FAT1: variants seen among roughly 807,000 people sequenced by gnomAD.
The protein encoded by FAT1 is protocadherin Fat 1.
FAT1 carries 171 observed loss-of-function variants against 329.8 expected under a neutral mutation model. That is an observed-to-expected ratio of 0.52 (90% CI 0.46 to 0.59). The LOEUF (loss-of-function observed/expected upper bound fraction) is 0.59. Among genes scored for constraint, FAT1 ranks in the 20% least tolerant of loss-of-function variants. The probability of loss-of-function intolerance (pLI) is 0.00; values close to 1 mark genes in which losing one functional copy is unlikely to be tolerated. For synonymous variants in FAT1, 2,233 were observed against 2,228.6 expected (o/e 1.00, Z -0.06); for missense variants, 5,672 against 5,774.4 (o/e 0.98, Z 0.57).
intron 9 of FAT1, among the ~76,000 whole-genome samples, chr4:186,627,934 T>C (rs979299050): frequency 2.6e-5 from 4 of 151,930 alleles, no homozygotes; most frequent in African/African-American, 9.7e-5. Flanking sequence ...GGGCTAATAT[T>C]GTGAATCCCC....
intron 8 of FAT1, 29 bp from the exon 9 acceptor site, chr4:186,628,393 C>T (rs2126543590): frequency 6.2e-7 from 1 of 1,610,078 alleles, no homozygotes; most frequent in South Asian, 1.1e-5. Flanking sequence ...TTATCAATCC[C>T]ATTGGTGCTT....
chr4:186,628,543 T>C lies in FAT1; in HGVS notation c.4544A>G (p.Tyr1515Cys), dbSNP rs748223112. 3.1e-6 allele frequency: 5 copies of C among 1,613,884 alleles called. No individual in the cohort carries two copies. The South Asian group carries it at 4.4e-5, about 14-fold the overall frequency. The change falls in exon 8 of 27, where the codon TAT becomes TGT. Residue 1515 changes from tyrosine (Y) to cysteine (C), a missense_variant. Tyr to Cys is a radical substitution (Grantham distance 194). This residue lies in a region of FAT1 where 3,966 missense variants were observed against 3,915.2 expected (regional missense o/e 1.01). Transcript: ENST00000441802. ...FRLDPATGSL[Y>C]TSEKLDHEAV... Reference sequence around the variant, plus strand: ...TTCATGATCCAGTTTCTCAGAAGTATAGAGAGAGCCGGTTGCAGGATCAAG... The same window carrying C: ...TTCATGATCCAGTTTCTCAGAAGTACAGAGAGAGCCGGTTGCAGGATCAAG...
chr4:186,669,342 G>A (rs182948077), intron 2 of FAT1, among the ~76,000 whole-genome samples: 15 of 152,328 alleles, frequency 9.8e-5, no homozygotes, highest in African/African-American at 3.4e-4. Context: ...CCGTGCACAC[G>A]CAGTGAGAGC....
chr4:186,593,295 A>G (rs909599326), intron 26 of FAT1, among the ~76,000 whole-genome samples: 1 of 152,188 alleles, frequency 6.6e-6, no homozygotes, highest in Non-Finnish European at 1.5e-5. Context: ...GAGCTAATGT[A>G]CGAGTATAGG....
Position 186,654,024 on chromosome 4 carries a change from T to C in FAT1, c.3580+9275A>G, listed in dbSNP as rs75820641. 4.5e-3 allele frequency among the ~76,000 whole-genome samples: 679 copies of C among 151,522 alleles called. 3 individuals are homozygous for C. Among genetic ancestry groups the C allele is most frequent in the African/African-American group, 0.015 (619 of 41,276 alleles). The stretch of plus-strand genomic sequence containing the variant: ...AAACAGAGTCCCTCAATGCAAAGAG[T>C]AGATAAGAGACAGAAAAACTGGCTC... On this transcript the variant is annotated intron_variant, in intron 3 of 26. Coordinates refer to ENST00000441802, the MANE Select transcript of FAT1 (RefSeq NM_005245.4).
chr4:186,692,814 T>C (rs1453002356), intron 2 of FAT1, among the ~76,000 whole-genome samples: 2 of 152,170 alleles, frequency 1.3e-5, no homozygotes, highest in African/African-American at 4.8e-5. Flanking sequence ...ACAAATTAAT[T>C]AGCAGGAAGT....
rs2126683133 is a variant in FAT1 at position 186,706,787 on chromosome 4, G to T, written c.3041C>A (p.Ser1014Tyr). Residue 1014 changes from serine (S) to tyrosine (Y), a missense_variant, in exon 2 of 27, where the codon TCT becomes TAT. Ser to Tyr is a moderately radical substitution (Grantham distance 144). Around this residue, in one of 2 missense-constraint regions of FAT1, gnomAD observed 3,966 missense variants for 3,915.2 expected, o/e 1.01. Coordinates refer to ENST00000441802, the MANE Select transcript of FAT1 (RefSeq NM_005245.4). ...CACCTCAACTTCAACATAGCAAGTA[G>T]AAGACAGAGAAACTGGCTTTCCCTT... ...KDKGKPVSLSSTCYVEVEVVD... is the reference protein window; with the variant it reads ...KDKGKPVSLSYTCYVEVEVVD... The T allele has an allele frequency of 6.2e-7, 1 of 1,614,012 alleles. No individual in the cohort carries two copies. Among genetic ancestry groups the T allele is most frequent in the Non-Finnish European group, 8.5e-7 (1 of 1,179,896 alleles).
intron 11 of FAT1, among the ~76,000 whole-genome samples, chr4:186,615,619 T>C (rs1292470612): frequency 6.6e-6 from 1 of 152,118 alleles, no homozygotes; most frequent in East Asian, 1.9e-4. Context: ...GGGACCCAAA[T>C]GGTCTGTTTC....
chr4:186,618,411 G>A lies in FAT1; in HGVS notation c.8175C>T (p.Ile2725=). 1 of 1,614,030 alleles carries A rather than the reference G, an allele frequency of 6.2e-7. No individual in the cohort carries two copies. The highest frequency in any genetic ancestry group is 8.5e-7 in the Non-Finnish European group (1 of 1,179,906). Residue 2725 remains isoleucine, a synonymous_variant, in exon 10 of 27, where the codon ATC becomes ATT. Transcript: ENST00000441802. ...GAACAGTCCCACTATGTTCTGCTCG[G>A]ATGAGATCTATCTCTGTTCCAATAG... is the stretch of plus-strand genomic sequence containing the variant. The part of the protein sequence containing the change: ...DVPIGTEIDL[I]RAEHSGTVLY...
At chr4:186,670,417 A>C (rs187533422) in intron 2 of FAT1, among the ~76,000 whole-genome samples, 50 of 152,310 alleles carry the variant, frequency 3.3e-4, no homozygotes, top group African/African-American at 1.1e-3. Flanking sequence ...TCTCCAATTC[A>C]ATACCCTCAG....
chr4:186,616,689 T>C (rs1413005359), intron 11 of FAT1, among the ~76,000 whole-genome samples: 2 of 152,132 alleles, frequency 1.3e-5, no homozygotes, highest in Non-Finnish European at 2.9e-5. Flanking sequence ...TCCCGTCAGA[T>C]CCTTCCCCCA....
chr4:186,587,933 T>C lies in FAT1; in HGVS notation c.*659A>G. 1 of 218,494 alleles carries C rather than the reference T, an allele frequency of 4.6e-6. No individual in the cohort carries two copies. The highest frequency in any genetic ancestry group is 9.2e-6 in the Non-Finnish European group (1 of 108,654). The allele number at this position is 218,494 out of a possible 1,614,324, so 13.5% of individuals were successfully genotyped here. A position where few individuals can be genotyped will look rare whatever the true frequency, so the allele number is the denominator to read the frequency against. On this transcript the variant is annotated 3_prime_UTR_variant, in exon 27 of 27. Transcript: ENST00000441802. The stretch of plus-strand genomic sequence containing the variant: ...TGGTGGTTTTGGTTCTAAACAGGTA[T>C]GCAGAAGGTCCCCGTTACACTTTCC...
Position 186,618,051 on chromosome 4 carries a change from C to G in FAT1, c.8535G>C (p.Met2845Ile), listed in dbSNP as rs138948513. 6.2e-7 allele frequency: 1 copy of G among 1,614,042 alleles called. No homozygotes were observed. The highest frequency in any genetic ancestry group is 8.5e-7 in the Non-Finnish European group (1 of 1,179,904). ...CACTTTGTGACTGATCCAGGCTATA[C>G]ATAACTTGGCCGTTGGTTCCTGAGT... Reference protein sequence around the residue: ...DADSGTNGQVMYSLDQSQSVE... With the variant: ...DADSGTNGQVIYSLDQSQSVE... The change falls in exon 10 of 27, where the codon ATG becomes ATC. Residue 2845 changes from methionine (M) to isoleucine (I), a missense_variant. Physicochemically the swap from Met to Ile is conservative, Grantham distance 10 (BLOSUM62 1). Coordinates refer to ENST00000441802, the MANE Select transcript of FAT1 (RefSeq NM_005245.4).
intron 3 of FAT1, among the ~76,000 whole-genome samples, chr4:186,647,554 A>G (rs758989337): frequency 2.6e-5 from 4 of 152,146 alleles, no homozygotes; most frequent in Non-Finnish European, 4.4e-5. Flanking sequence ...TAGGATTAGA[A>G]TGTTCTCTCC....
At position 186,618,432 on chromosome 4, in the gene FAT1, A is replaced by G. The variant is rs183203772; in HGVS notation, c.8154T>C (p.Ile2718=). The G allele has an allele frequency of 2.2e-4, 352 of 1,614,048 alleles. No homozygotes were observed. Among genetic ancestry groups the G allele is most frequent in the South Asian group, 8.0e-4 (73 of 91,086 alleles). The change falls in exon 10 of 27, where the codon ATT becomes ATC. Residue 2718 remains isoleucine, a synonymous_variant. Coordinates refer to ENST00000441802, the MANE Select transcript of FAT1 (RefSeq NM_005245.4). ...YTFTVSEDVP[I]GTEIDLIRAE... is the part of the protein sequence containing the mutation. Reference sequence around the variant, plus strand: ...CTCGGATGAGATCTATCTCTGTTCCAATAGGCACGTCCTCTGACACTGTAA... The same window carrying G: ...CTCGGATGAGATCTATCTCTGTTCCGATAGGCACGTCCTCTGACACTGTAA...
upstream of FAT1, among the ~76,000 whole-genome samples, chr4:186,725,005 G>A (rs1196086714): frequency 6.6e-6 from 1 of 152,110 alleles, no homozygotes; most frequent in Non-Finnish European, 1.5e-5. This position sits in a 1 kb window ranked among gnomAD's most constrained non-coding sequence, Gnocchi z 5.4. Flanking sequence ...AATAATAAAG[G>A]TGTCTAGCAG....
At chr4:186,671,687 A>C (rs1351516635) in intron 2 of FAT1, among the ~76,000 whole-genome samples, 1 of 152,138 alleles carries the variant, frequency 6.6e-6, no homozygotes, top group East Asian at 1.9e-4. Context: ...AACAAGAGCG[A>C]AACTCCGTCT....
intron 16 of FAT1, among the ~76,000 whole-genome samples, chr4:186,608,834 T>A (rs940985994): frequency 6.6e-6 from 1 of 152,248 alleles, no homozygotes. Flanking sequence ...CCTGTGTCCA[T>A]GCAATTCCTC....
At chr4:186,633,636 G>A (rs184707977) in intron 7 of FAT1, 48 bp downstream of exon 7, 25 of 1,609,414 alleles carry the variant, frequency 1.6e-5, no homozygotes, top group South Asian at 2.2e-5. Flanking sequence ...AAGTCAGAAC[G>A]TTATCTCCAT....
Sources: allele counts gnomAD v4.1 joint callset (sites outside exome capture counted in the v4.1 genomes callset), GRCh38; gene constraint gnomAD v4.1.1; regional missense constraint gnomAD v4.1.1; non-coding constraint Gnocchi (gnomAD v3.1); transcripts MANE v1.5; gene names NCBI Gene and HGNC (gene_info 2026-07-23, HGNC 2026-07-21).